TINAG: variants seen among roughly 807,000 people sequenced by gnomAD.
TINAG encodes tubulointerstitial nephritis antigen.
TINAG carries 83 observed loss-of-function variants against 72.7 expected under a neutral mutation model. That is an observed-to-expected ratio of 1.14 (90% confidence interval 0.96 to 1.37). The LOEUF is 1.37. Ranked by LOEUF, TINAG falls within the 40% of genes most tolerant of loss-of-function variation. TINAG has a pLI of 0.00. For missense variants in TINAG, 685 were observed against 576.6 expected (o/e 1.19, Z -1.93); for synonymous variants, 234 against 189.9 (o/e 1.23, Z -1.91).
At chr6:54,323,125 T>C (rs1159047443) in intron 3 of TINAG, among the ~76,000 whole-genome samples, 1 of 152,250 alleles carries the variant, frequency 6.6e-6, no homozygotes, top group Middle Eastern at 3.2e-3. Flanking sequence ...ATGATTTATT[T>C]ATTTTGAGCA....
intron 2 of TINAG, among the ~76,000 whole-genome samples, chr6:54,320,865 G>GA (rs1784475056): frequency 6.6e-6 from 1 of 152,124 alleles, no homozygotes; most frequent in Non-Finnish European, 1.5e-5. Context: ...TGATGTTCTT[G>GA]ACAATGGGTC....
rs755149939 is a variant in TINAG, at chr6:54,320,608, G to C, written c.385G>C (p.Glu129Gln). The part of the protein sequence containing the change: ...GCFKDGQHYE[E>Q]GSVIKENCNS... ...CTTCAAAGATGGTCAACATTATGAA[G>C]AGGGATCAGTAATTAAAGAAAACTG... The change falls in exon 2 of 11, where the codon GAG becomes CAG. Residue 129 changes from glutamate to glutamine, a missense_variant. Glu to Gln is a conservative substitution (Grantham distance 29, BLOSUM62 2). Transcript: ENST00000259782. 2.5e-6 allele frequency: 4 copies of C among 1,608,656 alleles called. No homozygotes were observed. The South Asian group carries it at 4.5e-5, about 18-fold the overall frequency.
At chr6:54,348,724 G>T (rs571994103) in intron 6 of TINAG, among the ~76,000 whole-genome samples, 2 of 152,032 alleles carry the variant, frequency 1.3e-5, no homozygotes, top group South Asian at 2.1e-4. Flanking sequence ...ATTACATTGG[G>T]TATAAGTGCT....
rs181909965 is a variant in TINAG at position 54,359,949 on chromosome 6, C to A, written c.1250+5313C>A. Among the ~76,000 whole-genome samples the A allele has an allele frequency of 2.0e-5, 3 of 151,684 alleles. No homozygotes were observed. In the South Asian group the frequency reaches 6.2e-4, roughly 31 times the overall value. On this transcript the variant is annotated intron_variant, in intron 9 of 10. Transcript: ENST00000259782. ...TAAGAAGTACCTAACTAATGTAACA[C>A]GACAAATTCTGTTTGCTGCGCTTTT... is the stretch of plus-strand genomic sequence containing the variant.
intron 1 of TINAG, among the ~76,000 whole-genome samples, chr6:54,311,911 A>T (rs1216527370): frequency 2.0e-5 from 3 of 152,214 alleles, no homozygotes; most frequent in Non-Finnish European, 4.4e-5. Context: ...ATGTGATGAC[A>T]TCTCATCAAA....
chr6:54,369,130 A>T (rs1005829028), intron 9 of TINAG, among the ~76,000 whole-genome samples: 5 of 151,938 alleles, frequency 3.3e-5, no homozygotes, highest in African/African-American at 1.2e-4. Flanking sequence ...TGTTTGTAAG[A>T]AAATTTGAAA....
intron 9 of TINAG, among the ~76,000 whole-genome samples, chr6:54,374,479 A>G (rs919320523): frequency 6.6e-6 from 1 of 152,116 alleles, no homozygotes; most frequent in African/African-American, 2.4e-5. Context: ...ATCTAGCATT[A>G]ATTAGCACTT....
intron 9 of TINAG, among the ~76,000 whole-genome samples, chr6:54,356,674 G>A (rs140957374): frequency 1.9e-3 from 289 of 151,722 alleles, no homozygotes; most frequent in African/African-American, 6.7e-3. Context: ...AGACAATATA[G>A]GATAAGTCAT....
chr6:54,374,136 C>G (rs1016342129), intron 9 of TINAG, among the ~76,000 whole-genome samples: 1 of 152,106 alleles, frequency 6.6e-6, no homozygotes, highest in African/African-American at 2.4e-5. Flanking sequence ...TGATACTACA[C>G]TTGTAATCTT....
chr6:54,350,635 G>A (rs1785243412), intron 7 of TINAG, among the ~76,000 whole-genome samples: 1 of 147,406 alleles, frequency 6.8e-6, no homozygotes, highest in African/African-American at 2.5e-5. Context: ...TGATGCAAAT[G>A]GTTATCAAGC....
upstream of TINAG, chr6:54,308,195 C>A: frequency 1.4e-6 from 2 of 1,395,420 alleles, no homozygotes; most frequent in Non-Finnish European, 9.9e-7. Context: ...TCTAAGGAGG[C>A]TTTCGATTTA....
chr6:54,319,193 T>C (rs1399431583), intron 1 of TINAG, among the ~76,000 whole-genome samples: 1 of 152,162 alleles, frequency 6.6e-6, no homozygotes, highest in East Asian at 1.9e-4. Flanking sequence ...TCCCACACTC[T>C]CAGTTTTTAA....
At chr6:54,329,878 G>A (rs1371271576) in intron 4 of TINAG, among the ~76,000 whole-genome samples, 2 of 151,646 alleles carry the variant, frequency 1.3e-5, no homozygotes, top group Non-Finnish European at 2.9e-5. Flanking sequence ...GACCAAGAAG[G>A]GCATTACATA....
chr6:54,372,771 T>TACAC (rs1307007310), intron 9 of TINAG, among the ~76,000 whole-genome samples: 2 of 140,150 alleles, frequency 1.4e-5, no homozygotes, highest in East Asian at 2.2e-4. Context: ...TATATATATA[T>TACAC]ACACACACAC....
intron 9 of TINAG, among the ~76,000 whole-genome samples, chr6:54,365,169 T>G (rs2150970418): frequency 6.6e-6 from 1 of 151,704 alleles, no homozygotes; most frequent in South Asian, 2.1e-4. Context: ...TCTACTATGC[T>G]TATTTAGCAA....
intron 9 of TINAG, 100 bp downstream of exon 9, chr6:54,354,736 G>C (rs1454129041): frequency 4.8e-5 from 61 of 1,265,312 alleles, no homozygotes; most frequent in Non-Finnish European, 6.4e-5. Flanking sequence ...TTGTAGGAGA[G>C]ATTGTGATAC....
At chr6:54,343,533 G>GTT (rs3836940) in intron 5 of TINAG, among the ~76,000 whole-genome samples, 184 bp downstream of exon 5, 4,085 of 147,252 alleles carry the variant, frequency 0.028, 183 homozygotes, top group African/African-American at 0.095. Flanking sequence ...TAGTCTAAAA[G>GTT]TTTTTTTTTT....
rs111625529 is a variant in TINAG at position 54,330,353 on chromosome 6, C to T, written c.624+3437C>T. Among the ~76,000 whole-genome samples the T allele has an allele frequency of 9.2e-5, 14 of 152,310 alleles. 2 individuals carry two copies. Among genetic ancestry groups the T allele is most frequent in the African/African-American group, 3.4e-4 (14 of 41,576 alleles). The stretch of plus-strand genomic sequence containing the variant: ...AACTGAACAACCGATTCCTGAATGA[C>T]TACTGGGTAAATAACAAAATTAAGT... On this transcript the variant is annotated intron_variant, in intron 4 of 10. Coordinates refer to ENST00000259782, the MANE Select transcript of TINAG (RefSeq NM_014464.4).
At position 54,354,747 on chromosome 6, in the gene TINAG, A is replaced by G. The variant is rs1785351890; in HGVS notation, c.1250+111A>G. The G allele has an allele frequency of 2.5e-6, 3 of 1,189,338 alleles. No homozygotes were observed. The African/African-American group carries it at 4.8e-5, about 19-fold the overall frequency. The allele number at this position is 1,189,338 out of a possible 1,614,324, so 73.7% of individuals were successfully genotyped here. The stretch of plus-strand genomic sequence containing the variant: ...CCCTTTGTAGGAGAGATTGTGATAC[A>G]AATGAAAAATGATCTAAACCTTGCC... On this transcript the variant is annotated intron_variant, in intron 9 of 10. Coordinates refer to ENST00000259782, the MANE Select transcript of TINAG (RefSeq NM_014464.4).
Sources: gnomAD v4.1 joint callset for allele counts (sites outside exome capture counted in the v4.1 genomes callset) on GRCh38, gnomAD v4.1.1 for gene constraint, MANE v1.5 for transcripts, NCBI Gene and HGNC (gene_info 2026-07-23, HGNC 2026-07-21) for gene names.